RAB6A: variants seen among roughly 807,000 people sequenced by gnomAD.
RAB6A encodes RAB6A, member RAS oncogene family.
A neutral mutation model predicts 32.3 loss-of-function variants in RAB6A; 8 were observed. That is an observed-to-expected ratio of 0.25 (90% CI 0.15 to 0.45). RAB6A has a LOEUF of 0.45. RAB6A is among the 20% of genes least tolerant of loss of function. The pLI is 1.00. For synonymous variants in RAB6A, 73 were observed against 82.1 expected (o/e 0.89, Z 0.60); for missense variants, 104 against 249.4 (o/e 0.42, Z 3.93).
chr11:73,714,898 G>A (rs904568111), intron 5 of RAB6A, among the ~76,000 whole-genome samples: 7 of 152,134 alleles, frequency 4.6e-5, no homozygotes, highest in African/African-American at 1.7e-4. Context: ...CCCAGGTGGT[G>A]GAGGTTGTAA....
At chr11:73,751,766 T>C (rs1946672732) in intron 1 of RAB6A, among the ~76,000 whole-genome samples, 1 of 152,282 alleles carries the variant, frequency 6.6e-6, no homozygotes, top group East Asian at 1.9e-4. Context: ...CCTCTCTCCA[T>C]TCACCTCCAA....
chr11:73,738,757 C>G (rs1163027855), intron 1 of RAB6A, among the ~76,000 whole-genome samples: 1 of 152,020 alleles, frequency 6.6e-6, no homozygotes, highest in Non-Finnish European at 1.5e-5. Context: ...CCAGCCTGGG[C>G]AACATGGCAA....
intron 1 of RAB6A, among the ~76,000 whole-genome samples, chr11:73,731,687 TA>T (rs1946306650): frequency 1.7e-3 from 7 of 4,106 alleles, no homozygotes; most frequent in African/African-American, 4.3e-3. Context: ...ATAGATATTA[TA>T]TATATATATA....
chr11:73,736,809 G>GAAAAAAAA (rs756237159), intron 1 of RAB6A, among the ~76,000 whole-genome samples: 11 of 108,760 alleles, frequency 1.0e-4, no homozygotes, highest in South Asian at 2.9e-4. Flanking sequence ...AAAAAAAAAA[G>GAAAAAAAA]AAAAAAAAAA....
chr11:73,729,035 C>T (rs958193334), intron 2 of RAB6A, among the ~76,000 whole-genome samples: 3 of 151,990 alleles, frequency 2.0e-5, no homozygotes, highest in Non-Finnish European at 4.4e-5. Flanking sequence ...TGGAATTTGT[C>T]CATTTTACCT....
At chr11:73,707,821 C>T (rs1377995412) in intron 5 of RAB6A, among the ~76,000 whole-genome samples, 2 of 152,124 alleles carry the variant, frequency 1.3e-5, no homozygotes, top group Non-Finnish European at 2.9e-5. Context: ...GTTGAGGCTG[C>T]AGCAGGCCAT....
chr11:73,703,673 C>T (rs565669276), intron 6 of RAB6A, among the ~76,000 whole-genome samples: 1 of 152,102 alleles, frequency 6.6e-6, no homozygotes, highest in Non-Finnish European at 1.5e-5. Context: ...ACCAGGGAGG[C>T]GGAGGTTGCA....
intron 5 of RAB6A, among the ~76,000 whole-genome samples, chr11:73,711,515 C>A (rs916269730): frequency 6.6e-5 from 10 of 152,156 alleles, no homozygotes; most frequent in Non-Finnish European, 1.5e-4. Context: ...CTTTTGTGGG[C>A]ACCTGCGTTG....
rs1388482960 is a variant in RAB6A at position 73,696,136 on chromosome 11, A to G, written c.495+11284T>C. Among the ~76,000 whole-genome samples the G allele has an allele frequency of 2.0e-5, 3 of 152,158 alleles. No individual in the cohort carries two copies. The East Asian group carries it at 5.8e-4, about 29-fold the overall frequency. On this transcript the variant is annotated intron_variant, in intron 6 of 7. Transcript: ENST00000336083. Reference sequence around the variant, plus strand: ...CATTATGAAAGTAAATGTAAGAGTAAAGAGTGTTTTATACATAACTGAATT... The same window carrying G: ...CATTATGAAAGTAAATGTAAGAGTAGAGAGTGTTTTATACATAACTGAATT...
chr11:73,683,638 C>T (rs1431009206), intron 6 of RAB6A, among the ~76,000 whole-genome samples: 1 of 151,804 alleles, frequency 6.6e-6, no homozygotes, highest in Non-Finnish European at 1.5e-5. Context: ...CCACAACCTC[C>T]GCCTCCTGGG....
intron 4 of RAB6A, among the ~76,000 whole-genome samples, chr11:73,718,139 T>C (rs1413879034): frequency 2.0e-5 from 3 of 152,226 alleles, no homozygotes; most frequent in Non-Finnish European, 4.4e-5. Flanking sequence ...CTGTACATTA[T>C]GTTTTCTCTG....
intron 1 of RAB6A, among the ~76,000 whole-genome samples, chr11:73,739,878 T>C (rs1234784847): frequency 1.3e-5 from 2 of 151,800 alleles, no homozygotes; most frequent in South Asian, 2.1e-4. Context: ...GCTAACACAG[T>C]GAAACCCCAT....
chr11:73,698,307 G>A (rs1945685575), intron 6 of RAB6A, among the ~76,000 whole-genome samples: 2 of 152,172 alleles, frequency 1.3e-5, no homozygotes, highest in Non-Finnish European at 2.9e-5. Flanking sequence ...GGTTAAATTT[G>A]AGAGAGGCAG....
chr11:73,714,715 C>A (rs1449778037), intron 5 of RAB6A, among the ~76,000 whole-genome samples: 3 of 151,966 alleles, frequency 2.0e-5, no homozygotes, highest in Admixed American at 2.0e-4. Flanking sequence ...GTGGCTCACG[C>A]CTGGCACTTT....
intron 1 of RAB6A, among the ~76,000 whole-genome samples, chr11:73,741,650 A>G (rs552413620): frequency 6.6e-6 from 1 of 152,332 alleles, no homozygotes; most frequent in South Asian, 2.1e-4. Flanking sequence ...TGGTATATCC[A>G]CACAATTGAG....
At chr11:73,742,447 T>C (rs943873668) in intron 1 of RAB6A, among the ~76,000 whole-genome samples, 1 of 151,950 alleles carries the variant, frequency 6.6e-6, no homozygotes, top group African/African-American at 2.4e-5. Context: ...CAAAAAAACT[T>C]GTTTAACTAC....
chr11:73,720,851 G>A lies in RAB6A; in HGVS notation c.178C>T (p.Arg60Ter). The change falls in exon 3 of 8, where the codon CGA (arginine) becomes TGA (stop). Residue 60 changes from arginine (R) to a stop codon, truncating the protein, a stop_gained. Coordinates refer to ENST00000336083, the MANE Select transcript of RAB6A (RefSeq NM_198896.2). LOFTEE classifies it high-confidence loss of function. ...ACACTGAAAATATTACTCACTGTTC[G>A]ATCCTCCAAGTACATAGTTTTTGAT... ...FLSKTMYLED[R>*]TVRLQLWDTA... is the part of the protein sequence containing the mutation. 6.2e-7 allele frequency: 1 copy of A among 1,606,228 alleles called. No individual in the cohort carries two copies. The highest frequency in any genetic ancestry group is 8.5e-7 in the Non-Finnish European group (1 of 1,175,740).
At chr11:73,749,627 C>T (rs1469368824) in intron 1 of RAB6A, among the ~76,000 whole-genome samples, 1 of 152,164 alleles carries the variant, frequency 6.6e-6, no homozygotes, top group Admixed American at 6.5e-5. Context: ...GAGGATCACT[C>T]GAGGCCAGAG....
At chr11:73,742,641 G>A (rs867620691) in intron 1 of RAB6A, among the ~76,000 whole-genome samples, 2 of 151,976 alleles carry the variant, frequency 1.3e-5, no homozygotes, top group Admixed American at 1.3e-4. Context: ...GAGAAACCCC[G>A]TCGCTACTAA....
Sources: allele counts gnomAD v4.1 joint callset (sites outside exome capture counted in the v4.1 genomes callset), GRCh38; gene constraint gnomAD v4.1.1; transcripts MANE v1.5; gene names NCBI Gene and HGNC (gene_info 2026-07-23, HGNC 2026-07-21).